The following MAP2K5 variants were observed in gnomAD, a reference collection of about 807,000 sequenced individuals.
MAP2K5 encodes dual specificity mitogen-activated protein kinase kinase 5.
A neutral mutation model predicts 83.1 loss-of-function variants in MAP2K5; 49 were observed. The ratio of observed to expected loss-of-function variants is 0.59; its 90% CI spans 0.47 to 0.75. The LOEUF (loss-of-function observed/expected upper bound fraction) is 0.75. Among genes scored for constraint, MAP2K5 ranks in the 30% least tolerant of loss-of-function variants. The probability of loss-of-function intolerance (pLI) is 0.00; values close to 1 mark genes in which losing one functional copy is unlikely to be tolerated. For synonymous variants in MAP2K5, 202 were observed against 191.8 expected (o/e 1.05, Z -0.44); for missense variants, 457 against 557.5 (o/e 0.82, Z 1.82).
chr15:67,651,293 G>A (rs1435104813), intron 11 of MAP2K5, among the ~76,000 whole-genome samples: 4 of 152,152 alleles, frequency 2.6e-5, no homozygotes, highest in Non-Finnish European at 5.9e-5. Context: ...ATAATATTTT[G>A]ACACAAGCAT....
At position 67,652,028 on chromosome 15, in the gene MAP2K5, T is replaced by G. The variant is rs1298717788; in HGVS notation, c.736+5559T>G. On this transcript the variant is annotated intron_variant, in intron 11 of 21. Coordinates refer to ENST00000178640, the MANE Select transcript of MAP2K5 (RefSeq NM_145160.3). The surrounding 1 kb of genome is among the most constrained non-coding windows in gnomAD (Gnocchi z 4.2). Reference sequence around the variant, plus strand: ...TCTCCACATCCTTGCCAGCATCTATTATTCCCTGTCTTTTTGATAAAAGCC... The same window carrying G: ...TCTCCACATCCTTGCCAGCATCTATGATTCCCTGTCTTTTTGATAAAAGCC... 6.6e-6 allele frequency among the ~76,000 whole-genome samples: 1 copy of G among 152,228 alleles called. No homozygotes were observed. Among genetic ancestry groups the G allele is most frequent in the Non-Finnish European group, 1.5e-5 (1 of 68,042 alleles).
intron 8 of MAP2K5, chr15:67,628,167 A>G (rs1243968727): frequency 3.2e-5 from 32 of 994,020 alleles, no homozygotes; most frequent in Middle Eastern, 3.2e-4. Flanking sequence ...TGTGAAAAAG[A>G]TATTTGTTGG....
At chr15:67,590,833 G>C (rs1273900799) in intron 6 of MAP2K5, among the ~76,000 whole-genome samples, 2 of 152,062 alleles carry the variant, frequency 1.3e-5, no homozygotes, top group Non-Finnish European at 2.9e-5. Flanking sequence ...ATAATAACCA[G>C]AGCAGCGACC....
At position 67,644,719 on chromosome 15, in the gene MAP2K5, A is replaced by G. The variant is rs1229888306; in HGVS notation, c.586-1512A>G. 6.6e-6 allele frequency among the ~76,000 whole-genome samples: 1 copy of G among 152,060 alleles called. No individual in the cohort carries two copies. The highest frequency in any genetic ancestry group is 1.5e-5 in the Non-Finnish European group (1 of 68,016). ...GTTTCCTCCTCACTCAAAAGAAGGG[A>G]GTTAATGAAATAAGATTTCTTCAAG... On this transcript the variant is annotated intron_variant, in intron 9 of 21. Coordinates refer to ENST00000178640, the MANE Select transcript of MAP2K5 (RefSeq NM_145160.3). The surrounding 1 kb of genome is among the most constrained non-coding windows in gnomAD (Gnocchi z 4.6).
At chr15:67,621,368 A>ACT (rs1214141558) in intron 8 of MAP2K5, among the ~76,000 whole-genome samples, 3 of 151,772 alleles carry the variant, frequency 2.0e-5, no homozygotes, top group African/African-American at 7.3e-5. Context: ...AAGAAAATCA[A>ACT]GAAGGTGGGA....
intron 8 of MAP2K5, chr15:67,628,458 C>T (rs373911910): frequency 2.9e-4 from 167 of 569,054 alleles, no homozygotes; most frequent in South Asian, 7.7e-4. Context: ...CCAGCCTGGG[C>T]GACAGAGCGA....
At chr15:67,771,133 GTGTA>G (rs2090133053) in intron 20 of MAP2K5, among the ~76,000 whole-genome samples, 3 of 2,280 alleles carry the variant, frequency 1.3e-3, no homozygotes, top group East Asian at 8.8e-3. Flanking sequence ...ACATGGTAAT[GTGTA>G]CCATGTGTTT....
At chr15:67,574,843 G>A (rs1170851059) in intron 3 of MAP2K5, among the ~76,000 whole-genome samples, 2 of 152,126 alleles carry the variant, frequency 1.3e-5, no homozygotes, top group African/African-American at 4.8e-5. Context: ...CTCCAGCCTG[G>A]GCGACAGAGT....
chr15:67,707,618 C>CTTTG (rs1419972687), intron 16 of MAP2K5, among the ~76,000 whole-genome samples: 2 of 152,146 alleles, frequency 1.3e-5, no homozygotes, highest in Non-Finnish European at 2.9e-5. Flanking sequence ...AAGAAAGATA[C>CTTTG]CCAAAGCCCA....
chr15:67,741,600 T>C (rs1018528929), intron 17 of MAP2K5, among the ~76,000 whole-genome samples: 3 of 152,074 alleles, frequency 2.0e-5, no homozygotes, highest in African/African-American at 7.2e-5. Context: ...CCACCTACCA[T>C]ACCCTAGAGC....
rs1392814572 is a variant in MAP2K5, at chr15:67,775,939, C to G, written c.1242+3187C>G. 6.6e-6 allele frequency among the ~76,000 whole-genome samples: 1 copy of G among 152,192 alleles called. No homozygotes were observed. The highest frequency in any genetic ancestry group is 2.4e-5 in the African/African-American group (1 of 41,452). On this transcript the variant is annotated intron_variant, in intron 21 of 21. Transcript: ENST00000178640. This position sits in a 1 kb window ranked among gnomAD's most constrained non-coding sequence, Gnocchi z 5.3. ...ATATTCACCACCAGCTGGGCAATCT[C>G]TTAAGACATTCCACTTCTATACAAG... is the stretch of plus-strand genomic sequence containing the variant.
At chr15:67,787,813 A>C (rs1411686864) in intron 21 of MAP2K5, among the ~76,000 whole-genome samples, 1 of 152,186 alleles carries the variant, frequency 6.6e-6, no homozygotes, top group Non-Finnish European at 1.5e-5. Flanking sequence ...TGTTGACCTA[A>C]CTGTAGGCTT....
intron 16 of MAP2K5, among the ~76,000 whole-genome samples, chr15:67,727,089 C>T (rs1306465901): frequency 6.6e-6 from 1 of 152,056 alleles, no homozygotes; most frequent in Non-Finnish European, 1.5e-5. Context: ...ATCCCAGCTA[C>T]CTTGGGAGGC....
At chr15:67,629,555 T>G (rs1412756827) in intron 8 of MAP2K5, among the ~76,000 whole-genome samples, 1 of 152,092 alleles carries the variant, frequency 6.6e-6, no homozygotes, top group Non-Finnish European at 1.5e-5. Flanking sequence ...ATTATGTAAA[T>G]TTTGGTTTTA....
chr15:67,545,537 T>G (rs2084372772), intron 1 of MAP2K5, among the ~76,000 whole-genome samples: 1 of 152,198 alleles, frequency 6.6e-6, no homozygotes, highest in South Asian at 2.1e-4. Flanking sequence ...TTGGAAAGAT[T>G]ATGTGAGATT....
rs2086786339 is a variant in MAP2K5 at position 67,644,453 on chromosome 15, A to C, written c.586-1778A>C. On this transcript the variant is annotated intron_variant, in intron 9 of 21. Transcript: ENST00000178640. The surrounding 1 kb of genome is among the most constrained non-coding windows in gnomAD (Gnocchi z 4.6). Reference sequence around the variant, plus strand: ...TTGAATTAGTTTCACTGACATGCTTAGTAGAATTTGAACAGTATGGTCTTC... The same window carrying C: ...TTGAATTAGTTTCACTGACATGCTTCGTAGAATTTGAACAGTATGGTCTTC... 6.6e-6 allele frequency among the ~76,000 whole-genome samples: 1 copy of C among 152,194 alleles called. No individual in the cohort carries two copies. The highest frequency in any genetic ancestry group is 1.5e-5 in the Non-Finnish European group (1 of 68,040).
chr15:67,688,379 A>G (rs1180420241), intron 13 of MAP2K5, among the ~76,000 whole-genome samples: 1 of 152,250 alleles, frequency 6.6e-6, no homozygotes, highest in Non-Finnish European at 1.5e-5. Context: ...TTGAACACAA[A>G]CTATAATAGA....
chr15:67,595,948 G>T (rs2085516449), intron 7 of MAP2K5, among the ~76,000 whole-genome samples: 1 of 150,942 alleles, frequency 6.6e-6, no homozygotes, highest in Non-Finnish European at 1.5e-5. Flanking sequence ...ATGTGAGTTT[G>T]GCCTTTGCAT....
At position 67,628,501 on chromosome 15, in the gene MAP2K5, T is replaced by TA. The variant is rs895802089; in HGVS notation, c.546-2379dup. The TA allele has an allele frequency of 6.3e-4, 435 of 694,318 alleles. No homozygotes were observed. The African/African-American group carries it at 6.9e-3, about 11-fold the overall frequency. 43.0% of individuals were successfully genotyped at this position (694,318 alleles called of 1,614,324 possible). ...TCTAAAAAAAAATAAAAATAAAAAATAAAAAAAAGACACTGAGGAATATCA... is the reference window on the plus strand; with the variant it reads ...TCTAAAAAAAAATAAAAATAAAAAATAAAAAAAAAGACACTGAGGAATATCA... On this transcript the variant is annotated intron_variant, in intron 8 of 21. Transcript: ENST00000178640.
Sources: allele counts gnomAD v4.1 joint callset (sites outside exome capture counted in the v4.1 genomes callset), GRCh38; gene constraint gnomAD v4.1.1; non-coding constraint Gnocchi (gnomAD v3.1); transcripts MANE v1.5; gene names NCBI Gene and HGNC (gene_info 2026-07-23, HGNC 2026-07-21).